KDM1B: variants seen among roughly 807,000 people sequenced by gnomAD.
KDM1B encodes lysine-specific histone demethylase 2.
Under a neutral mutation model 107.4 loss-of-function variants are expected in KDM1B, and 63 were observed. The ratio of observed to expected loss-of-function variants is 0.59; its 90% CI spans 0.48 to 0.72. The LOEUF (loss-of-function observed/expected upper bound fraction) is 0.72, where lower values mean the gene tolerates loss of function less well. Among genes scored for constraint, KDM1B ranks in the 30% least tolerant of loss-of-function variants. The probability of loss-of-function intolerance (pLI) is 0.00; values close to 1 mark genes in which losing one functional copy is unlikely to be tolerated. For missense variants in KDM1B, 749 were observed against 1,020.8 expected (o/e 0.73, Z 3.63); for synonymous variants, 363 against 363.9 (o/e 1.00, Z 0.03).
intron 8 of KDM1B, among the ~76,000 whole-genome samples, chr6:18,187,170 T>C (rs1056475726): frequency 1.3e-5 from 2 of 152,184 alleles, no homozygotes; most frequent in Non-Finnish European, 2.9e-5. Context: ...AGGCTCTGAT[T>C]TGATGACTCC....
rs531805149 is a variant in KDM1B at position 18,205,716 on chromosome 6, G to A, written c.1659+52G>A. 5.6e-6 allele frequency: 8 copies of A among 1,437,432 alleles called. No homozygotes were observed. The African/African-American group carries it at 8.9e-5, about 16-fold the overall frequency. 89.0% of individuals were successfully genotyped at this position (1,437,432 alleles called of 1,614,324 possible). ...GCTTTGAAAATACTTGGTTTAGGCC[G>A]GGCGCAGTGGCTCACGCCTGTAATC... is the stretch of plus-strand genomic sequence containing the variant. On this transcript the variant is annotated intron_variant, in intron 15 of 21. Transcript: ENST00000650836. The surrounding 1 kb of genome is among the most constrained non-coding windows in gnomAD (Gnocchi z 5.7).
chr6:18,198,163 T>C (rs1210084070), intron 12 of KDM1B, among the ~76,000 whole-genome samples: 3 of 152,172 alleles, frequency 2.0e-5, no homozygotes, highest in African/African-American at 7.2e-5. Flanking sequence ...CCCAAAGTGC[T>C]GGGATTACAG....
intron 17 of KDM1B, among the ~76,000 whole-genome samples, chr6:18,210,902 A>C (rs1028412558): frequency 6.6e-6 from 1 of 152,126 alleles, no homozygotes; most frequent in Non-Finnish European, 1.5e-5. Context: ...CAAGAAGCTG[A>C]GGCAAGAGGA....
rs111791955 is a variant in KDM1B, at chr6:18,190,424, C to T, written c.785-773C>T. On this transcript the variant is annotated intron_variant, in intron 9 of 21. Transcript: ENST00000650836. ...TGGCTAACACAGTAAAACCCCGTCT[C>T]TACTAAAAATACAAAAAAAAAAAAA... is the stretch of plus-strand genomic sequence containing the variant. Among the ~76,000 whole-genome samples, 176 of 143,994 alleles carry T rather than the reference C, an allele frequency of 1.2e-3. 5 individuals carry two copies. The South Asian group carries it at 0.037, about 30-fold the overall frequency. The allele number at this position is 143,994 out of a possible 152,430, so 94.5% of individuals were successfully genotyped here. A position where few individuals can be genotyped will look rare whatever the true frequency, so the allele number is the denominator to read the frequency against.
rs1226446692 is a variant in KDM1B, at chr6:18,212,409, A to C, written c.1867-79A>C. ...CCCTTGTTCTTGCCAGTATAACAGCATGGGTTGTTGATACCAGTGTAGTGG... is the reference window on the plus strand; with the variant it reads ...CCCTTGTTCTTGCCAGTATAACAGCCTGGGTTGTTGATACCAGTGTAGTGG... On this transcript the variant is annotated intron_variant, in intron 17 of 21. Coordinates refer to ENST00000650836, the MANE Select transcript of KDM1B (RefSeq NM_001364614.2). This position sits in a 1 kb window ranked among gnomAD's most constrained non-coding sequence, Gnocchi z 5.2. 1 of 871,188 alleles carries C rather than the reference A, an allele frequency of 1.1e-6. No individual in the cohort carries two copies. The highest frequency in any genetic ancestry group is 1.6e-5 in the African/African-American group (1 of 60,748). 54.0% of individuals were successfully genotyped at this position (871,188 alleles called of 1,614,324 possible).
intron 9 of KDM1B, 62 bp downstream of exon 9, chr6:18,188,064 T>A: frequency 7.1e-7 from 1 of 1,405,498 alleles, no homozygotes; most frequent in Non-Finnish European, 9.8e-7. Context: ...GAGGAACGTG[T>A]GAGTGAGCAA....
chr6:18,163,042 G>T (rs1785070326), intron 5 of KDM1B, 118 bp downstream of exon 5: 1 of 653,386 alleles, frequency 1.5e-6, no homozygotes, highest in Non-Finnish European at 2.8e-6. Context: ...AGCTCTTTCA[G>T]CCATGCCTGT....
intron 9 of KDM1B, among the ~76,000 whole-genome samples, chr6:18,189,972 C>A (rs1030227969): frequency 6.6e-6 from 1 of 151,652 alleles, no homozygotes; most frequent in Non-Finnish European, 1.5e-5. Context: ...GGTGAAACTC[C>A]GTCTCTACTA....
In KDM1B at chr6:18,187,962, T is replaced by G; in HGVS notation, c.744T>G (p.Pro248=). ...CCGCTGCCACTGGCAATGCCAGCCC[T>G]GGGAAGCTGGAGCACTCCAAGGCTG... ...NRAAATGNAS[P]GKLEHSKAAL... The change falls in exon 9 of 22, where the codon CCT becomes CCG. Residue 248 remains proline (P), a synonymous_variant. Coordinates refer to ENST00000650836, the MANE Select transcript of KDM1B (RefSeq NM_001364614.2). The G allele has an allele frequency of 6.4e-7, 1 of 1,550,510 alleles. No homozygotes were observed. Among genetic ancestry groups the G allele is most frequent in the Non-Finnish European group, 8.7e-7 (1 of 1,146,992 alleles).
rs763563542 is a variant in KDM1B, at chr6:18,222,547, G to A, written c.*555G>A. The A allele has an allele frequency of 5.4e-6, 1 of 184,200 alleles. No homozygotes were observed. Among genetic ancestry groups the A allele is most frequent in the Non-Finnish European group, 1.1e-5 (1 of 87,368 alleles). The allele number at this position is 184,200 out of a possible 1,614,324, so 11.4% of individuals were successfully genotyped here. On this transcript the variant is annotated 3_prime_UTR_variant, in exon 22 of 22. Coordinates refer to ENST00000650836, the MANE Select transcript of KDM1B (RefSeq NM_001364614.2). ...AGTTGACAGTAAAATGAAGCTTCTA[G>A]GTATTTTGTATTGTACATATTTCCT...
At chr6:18,219,757 C>T (rs1040458680) in intron 21 of KDM1B, among the ~76,000 whole-genome samples, 3 of 152,208 alleles carry the variant, frequency 2.0e-5, no homozygotes, top group Non-Finnish European at 2.9e-5. Context: ...AAAGCTCCAG[C>T]AAGCTTATCA....
rs1785023789 is a variant in KDM1B, at chr6:18,162,321, C to T, written c.216-514C>T. Among the ~76,000 whole-genome samples, 1 of 152,106 alleles carries T rather than the reference C, an allele frequency of 6.6e-6. No homozygotes were observed. Among genetic ancestry groups the T allele is most frequent in the Admixed American group, 6.6e-5 (1 of 15,262 alleles). Reference sequence around the variant, plus strand: ...TGAGTGACAGAGCAAGACTCCATCTCAAATAAATAAAAAAATATTAAAAAT... The same window carrying T: ...TGAGTGACAGAGCAAGACTCCATCTTAAATAAATAAAAAAATATTAAAAAT... On this transcript the variant is annotated intron_variant, in intron 4 of 21. Coordinates refer to ENST00000650836, the MANE Select transcript of KDM1B (RefSeq NM_001364614.2). This position sits in a 1 kb window ranked among gnomAD's most constrained non-coding sequence, Gnocchi z 4.1.
chr6:18,221,965 AG>A lies in KDM1B; in HGVS notation c.2443del (p.Glu815LysfsTer25). The A allele has an allele frequency of 6.2e-7, 1 of 1,614,048 alleles. No individual in the cohort carries two copies. On this transcript the variant is annotated frameshift_variant, in exon 22 of 22. Coordinates refer to ENST00000650836, the MANE Select transcript of KDM1B (RefSeq NM_001364614.2). LOFTEE classifies it high-confidence loss of function. ...CAGGGGCATATTTGAGTGGCGTTCG[AG>A]AAGCAAGCAAGATTGCAGCATTTTA... Reference protein sequence around the residue: ...VTGAYLSGVREASKIAAF With the variant: ...VTGAYLSGVRXASKIAAF
At chr6:18,160,961 C>T (rs911808911) in intron 3 of KDM1B, among the ~76,000 whole-genome samples, 13 of 151,072 alleles carry the variant, frequency 8.6e-5, no homozygotes, top group African/African-American at 3.2e-4. Context: ...GGTATGTTGC[C>T]CAGGCTGGTC....
At chr6:18,194,879 A>G (rs1167768812) in intron 10 of KDM1B, among the ~76,000 whole-genome samples, 3 of 152,184 alleles carry the variant, frequency 2.0e-5, no homozygotes, top group Non-Finnish European at 4.4e-5. Context: ...CATCACCACT[A>G]TCTAGTTCCA....
At chr6:18,161,858 G>A (rs959346912) in intron 4 of KDM1B, among the ~76,000 whole-genome samples, 4 of 151,862 alleles carry the variant, frequency 2.6e-5, no homozygotes, top group South Asian at 2.1e-4. Context: ...CTTCCCATAC[G>A]CACATACAGG....
At position 18,198,866 on chromosome 6, in the gene KDM1B, T is replaced by TA. The variant is rs1284777700; in HGVS notation, c.1221+1215dup. Among the ~76,000 whole-genome samples the TA allele has an allele frequency of 8.4e-3, 1,217 of 144,076 alleles. 8 individuals carry two copies. Among genetic ancestry groups the TA allele is most frequent in the Middle Eastern group, 0.021 (6 of 280 alleles). The allele number at this position is 144,076 out of a possible 152,430, so 94.5% of individuals were successfully genotyped here. On this transcript the variant is annotated intron_variant, in intron 12 of 21. Transcript: ENST00000650836. Reference sequence around the variant, plus strand: ...TTAATGTTCAGCCTTCCTCTTATACTAAAAAAAAAACTAGAAATGGGCTGG... The same window carrying TA: ...TTAATGTTCAGCCTTCCTCTTATACTAAAAAAAAAAACTAGAAATGGGCTGG...
intron 6 of KDM1B, among the ~76,000 whole-genome samples, chr6:18,169,092 G>A (rs1225470283): frequency 1.3e-5 from 2 of 151,184 alleles, no homozygotes; most frequent in Admixed American, 6.6e-5. Flanking sequence ...GGCTGGTCTC[G>A]AACTCCTGAT....
chr6:18,212,488 G>T lies in KDM1B; in HGVS notation c.1867G>T (p.Val623Leu), dbSNP rs1278767969. The T allele has an allele frequency of 1.3e-6, 2 of 1,571,098 alleles. No individual in the cohort carries two copies. Among genetic ancestry groups the T allele is most frequent in the East Asian group, 2.2e-5 (1 of 44,694 alleles). ...TDGTGYSAQKVLVTVPLALLQ... is the reference protein window; with the variant it reads ...TDGTGYSAQKLLVTVPLALLQ... ...GTTAACTGTTAATTATTTTCCACAG[G>T]TATTAGTCACTGTACCACTGGCTTT... Residue 623 changes from valine to leucine, a missense_variant and splice_region_variant, in exon 18 of 22, where the codon GTA becomes TTA. Physicochemically the swap from Val to Leu is conservative, Grantham distance 32. Coordinates refer to ENST00000650836, the MANE Select transcript of KDM1B (RefSeq NM_001364614.2). This position sits in a 1 kb window ranked among gnomAD's most constrained non-coding sequence, Gnocchi z 5.2.
Sources: allele counts gnomAD v4.1 joint callset (sites outside exome capture counted in the v4.1 genomes callset), GRCh38; gene constraint gnomAD v4.1.1; non-coding constraint Gnocchi (gnomAD v3.1); transcripts MANE v1.5; gene names NCBI Gene and HGNC (gene_info 2026-07-23, HGNC 2026-07-21).